The following SUPT3H variants were observed in gnomAD, a reference collection of about 807,000 sequenced individuals.
The protein encoded by SUPT3H is transcription initiation protein SPT3 homolog.
In SUPT3H, 44 loss-of-function variants were observed where a neutral mutation model predicts 44.3. The ratio of observed to expected loss-of-function variants is 0.99; its 90% CI spans 0.78 to 1.28. The LOEUF (loss-of-function observed/expected upper bound fraction) is 1.28. Ranked by LOEUF, SUPT3H falls within the 50% of genes most tolerant of loss-of-function variation. SUPT3H has a pLI of 0.00. For synonymous variants in SUPT3H, 124 were observed against 125.6 expected, an observed-to-expected ratio of 0.99 and a Z score of 0.09; for missense variants, 380 against 387.1, an observed-to-expected ratio of 0.98 and a Z score of 0.15.
intron 2 of SUPT3H, among the ~76,000 whole-genome samples, chr6:45,257,011 T>C (rs563733691): frequency 1.3e-5 from 2 of 152,336 alleles, no homozygotes; most frequent in East Asian, 3.9e-4. Context: ...GAGGAACTAC[T>C]AGTTTGTTTC....
chr6:45,199,524 A>G (rs985328410), intron 2 of SUPT3H, among the ~76,000 whole-genome samples: 2 of 151,422 alleles, frequency 1.3e-5, no homozygotes, highest in Non-Finnish European at 3.0e-5. Context: ...TAAAGAATAC[A>G]GCAAAAATAC....
intron 2 of SUPT3H, among the ~76,000 whole-genome samples, chr6:45,271,607 G>T (rs573618094): frequency 6.6e-6 from 1 of 152,292 alleles, no homozygotes; most frequent in African/African-American, 2.4e-5. Flanking sequence ...AGTAGGGGCA[G>T]GGCCCTCATG....
intron 2 of SUPT3H, among the ~76,000 whole-genome samples, chr6:45,184,643 G>A (rs564586459): frequency 6.6e-6 from 1 of 152,028 alleles, no homozygotes; most frequent in East Asian, 1.9e-4. Flanking sequence ...AAAAAAGAAG[G>A]CTGGCTGCCT....
intron 3 of SUPT3H, among the ~76,000 whole-genome samples, chr6:45,034,428 G>A (rs1787385109): frequency 6.6e-6 from 1 of 152,032 alleles, no homozygotes; most frequent in African/African-American, 2.4e-5. Flanking sequence ...AGAAAGAGAA[G>A]ACATTTAGTG....
At chr6:44,891,713 T>G (rs1416895535) in intron 10 of SUPT3H, among the ~76,000 whole-genome samples, 2 of 152,066 alleles carry the variant, frequency 1.3e-5, no homozygotes, top group Non-Finnish European at 2.9e-5. Context: ...ATGTACTGAA[T>G]TCCACTGAAT....
intron 10 of SUPT3H, among the ~76,000 whole-genome samples, chr6:44,916,810 G>A (rs1381107283): frequency 3.3e-5 from 5 of 152,074 alleles, no homozygotes; most frequent in African/African-American, 1.2e-4. Context: ...TGGAAGCTTT[G>A]AAGTATTATT....
intron 2 of SUPT3H, among the ~76,000 whole-genome samples, chr6:45,302,251 C>A (rs1271295270): frequency 6.6e-6 from 1 of 151,808 alleles, no homozygotes; most frequent in African/African-American, 2.4e-5. Flanking sequence ...TTATCCCTCA[C>A]CCCCTTCCCA....
intron 2 of SUPT3H, among the ~76,000 whole-genome samples, chr6:45,280,164 G>T (rs4452642): frequency 0.98 from 149,139 of 152,240 alleles, 73,061 homozygotes; most frequent in Middle Eastern, 1. Context: ...TCAAAAACAG[G>T]TTCCAAGAAC....
chr6:44,952,423 C>T (rs2153473349), intron 9 of SUPT3H, among the ~76,000 whole-genome samples: 1 of 152,312 alleles, frequency 6.6e-6, no homozygotes, highest in South Asian at 2.1e-4. Flanking sequence ...AACCACTATC[C>T]TTGCCTATAG....
chr6:45,235,722 T>G (rs948718948), intron 2 of SUPT3H, among the ~76,000 whole-genome samples: 3 of 152,028 alleles, frequency 2.0e-5, no homozygotes, highest in Non-Finnish European at 4.4e-5. Context: ...GAAGGCAGAT[T>G]AGGAGTGTGC....
intron 6 of SUPT3H, among the ~76,000 whole-genome samples, chr6:44,975,327 G>A (rs1778172333): frequency 6.6e-6 from 1 of 152,062 alleles, no homozygotes; most frequent in Admixed American, 6.6e-5. Flanking sequence ...ACTAAGTTGG[G>A]CCTAAATGCC....
At chr6:45,367,349 C>A (rs181995342) in intron 1 of SUPT3H, among the ~76,000 whole-genome samples, 2 of 152,160 alleles carry the variant, frequency 1.3e-5, no homozygotes, top group African/African-American at 4.8e-5. Flanking sequence ...GAAAGACCAT[C>A]GCTTTTTTTA....
chr6:45,124,475 C>T (rs2038766), intron 2 of SUPT3H, among the ~76,000 whole-genome samples: 141 of 151,252 alleles, frequency 9.3e-4, no homozygotes, highest in Middle Eastern at 3.4e-3. Flanking sequence ...GAAACCCCCC[C>T]CTCTACTAAA....
chr6:45,168,325 C>T (rs1022452944), intron 2 of SUPT3H, among the ~76,000 whole-genome samples: 1 of 152,098 alleles, frequency 6.6e-6, no homozygotes, highest in Non-Finnish European at 1.5e-5. Context: ...TTCAAATTTT[C>T]TCGAATTTTG....
intron 2 of SUPT3H, among the ~76,000 whole-genome samples, chr6:45,176,318 G>C (rs1476738433): frequency 6.6e-6 from 1 of 151,766 alleles, no homozygotes; most frequent in Admixed American, 6.6e-5. Context: ...GGTGACGGAC[G>C]CACCTGGAAA....
intron 2 of SUPT3H, among the ~76,000 whole-genome samples, chr6:45,324,810 C>A (rs1157604547): frequency 1.3e-5 from 2 of 151,912 alleles, no homozygotes; most frequent in Non-Finnish European, 2.9e-5. Flanking sequence ...GAGAAAAATG[C>A]TCTTATTACA....
Position 44,829,930 on chromosome 6 carries a change from A to G in SUPT3H, c.913-73T>C, listed in dbSNP as rs964999895. On this transcript the variant is annotated intron_variant, in intron 10 of 10. Transcript: ENST00000371459. The stretch of plus-strand genomic sequence containing the variant: ...CAAGGAAAGGAGGCAAAAAGCAAGC[A>G]GAGCCCTCTTCCTGTTTTGTAGACT... 8 of 1,383,728 alleles carry G rather than the reference A, an allele frequency of 5.8e-6. No homozygotes were observed. The Admixed American group carries it at 1.3e-4, about 23-fold the overall frequency. 85.7% of individuals were successfully genotyped at this position (1,383,728 alleles called of 1,614,324 possible). A position where few individuals can be genotyped will look rare whatever the true frequency, so the allele number is the denominator to read the frequency against.
intron 10 of SUPT3H, among the ~76,000 whole-genome samples, chr6:44,892,677 A>G (rs538975541): frequency 2.6e-5 from 4 of 152,252 alleles, no homozygotes; most frequent in Admixed American, 1.3e-4. Context: ...CAACCATACT[A>G]CTGTCAAACC....
chr6:45,106,335 G>C (rs1036621481), intron 2 of SUPT3H, among the ~76,000 whole-genome samples: 8 of 152,246 alleles, frequency 5.3e-5, no homozygotes, highest in Middle Eastern at 3.4e-3. Flanking sequence ...GGGAGGCTGA[G>C]GTGGGGGGAT....
Sources: allele counts gnomAD v4.1 joint callset (sites outside exome capture counted in the v4.1 genomes callset), GRCh38; gene constraint gnomAD v4.1.1; transcripts MANE v1.5; gene names NCBI Gene and HGNC (gene_info 2026-07-23, HGNC 2026-07-21).